Variants in MGAT4C observed in about 807,000 individuals in gnomAD.
The protein encoded by MGAT4C is MGAT4 family member C, also known as alpha-1,3-mannosyl-glycoprotein 4-beta-N-acetylglucosaminyltransferase C.
A neutral mutation model predicts 40.1 loss-of-function variants in MGAT4C; 19 were observed. The ratio of observed to expected loss-of-function variants is 0.47; its 90% CI spans 0.33 to 0.70. The LOEUF (loss-of-function observed/expected upper bound fraction) is 0.70. Ranked by LOEUF, MGAT4C falls within the 30% of genes least tolerant of loss-of-function variation. MGAT4C has a pLI of 0.02. For missense variants in MGAT4C, 491 were observed against 563.2 expected, an observed-to-expected ratio of 0.87 and a Z score of 1.30; for synonymous variants, 181 against 187.1, an observed-to-expected ratio of 0.97 and a Z score of 0.27.
intron 1 of MGAT4C, among the ~76,000 whole-genome samples, chr12:86,753,440 A>G (rs1393089779): frequency 6.6e-6 from 1 of 152,136 alleles, no homozygotes; most frequent in African/African-American, 2.4e-5. Flanking sequence ...GTTAATAAAT[A>G]TGTGGGTAAA....
intron 1 of MGAT4C, among the ~76,000 whole-genome samples, chr12:86,206,086 A>T (rs1950240772): frequency 6.6e-6 from 1 of 152,016 alleles, no homozygotes; most frequent in South Asian, 2.1e-4. Context: ...TGAATGTTTG[A>T]CCCCTGTGAA....
chr12:86,090,833 G>A (rs1872750346), intron 1 of MGAT4C, among the ~76,000 whole-genome samples: 1 of 151,790 alleles, frequency 6.6e-6, no homozygotes, highest in Non-Finnish European at 1.5e-5. Context: ...AAGGAATAAT[G>A]AGCACATGCT....
At position 86,644,017 on chromosome 12, in the gene MGAT4C, AT is replaced by A. The variant is rs1423859123; in HGVS notation, c.-229+83191del. On this transcript the variant is annotated intron_variant, in intron 2 of 7. Coordinates refer to the MGAT4C transcript ENST00000548651. The stretch of plus-strand genomic sequence containing the variant: ...CTGTAAAAAATAATTCAGGTTCTAC[AT>A]TTTTATAGTTTTATTTATGAATTTT... Among the ~76,000 whole-genome samples the A allele has an allele frequency of 2.0e-5, 3 of 151,828 alleles. No individual in the cohort carries two copies. The East Asian group carries it at 5.8e-4, about 30-fold the overall frequency.
intron 1 of MGAT4C, among the ~76,000 whole-genome samples, chr12:86,138,730 A>G (rs1023290168): frequency 2.0e-5 from 3 of 150,792 alleles, no homozygotes; most frequent in Admixed American, 6.7e-5. Flanking sequence ...AATCATCTCT[A>G]TATTAGGTAC....
chr12:86,241,908 G>A (rs1020306781), intron 1 of MGAT4C, among the ~76,000 whole-genome samples: 9 of 152,074 alleles, frequency 5.9e-5, no homozygotes, highest in Non-Finnish European at 1.2e-4. Context: ...CCTTGCCTGA[G>A]CCTGCTTTGC....
intron 1 of MGAT4C, among the ~76,000 whole-genome samples, chr12:86,124,451 T>A (rs908369269): frequency 3.3e-5 from 5 of 152,138 alleles, no homozygotes; most frequent in Non-Finnish European, 5.9e-5. Context: ...TTAAGGAACC[T>A]TTGATAAAAG....
chr12:86,505,227 G>T (rs1338436257), intron 2 of MGAT4C, among the ~76,000 whole-genome samples: 2 of 152,038 alleles, frequency 1.3e-5, no homozygotes, highest in East Asian at 3.9e-4. Flanking sequence ...ATCCTGGCTA[G>T]ATATTTGCTT....
chr12:86,060,513 ATAAT>A (rs761386349), intron 1 of MGAT4C, among the ~76,000 whole-genome samples: 2 of 152,170 alleles, frequency 1.3e-5, no homozygotes, highest in African/African-American at 2.4e-5. Flanking sequence ...TAAAGTAGAA[ATAAT>A]TAATTCATAC....
At chr12:86,466,227 A>C (rs1957681245) in intron 2 of MGAT4C, among the ~76,000 whole-genome samples, 1 of 152,016 alleles carries the variant, frequency 6.6e-6, no homozygotes, top group Non-Finnish European at 1.5e-5. Context: ...ACAAAAACAA[A>C]AACCCAAATG....
chr12:86,025,854 A>ATGC (rs1243956172), intron 2 of MGAT4C, among the ~76,000 whole-genome samples: 3 of 151,758 alleles, frequency 2.0e-5, no homozygotes, highest in African/African-American at 7.2e-5. Context: ...GTAAGACATT[A>ATGC]TGCTATGTTG....
Position 86,514,048 on chromosome 12 carries a change from T to A in MGAT4C, c.-228-78783A>T, listed in dbSNP as rs143997576. Among the ~76,000 whole-genome samples, 446 of 149,064 alleles carry A rather than the reference T, an allele frequency of 3.0e-3. 2 individuals carry two copies. The highest frequency in any genetic ancestry group is 0.011 in the African/African-American group (426 of 40,080). ...AGCAGAGTTGTCAGCTGCCTAAGTG[T>A]TGAATGAAGCCATGCACCAACACAC... is the stretch of plus-strand genomic sequence containing the variant. On this transcript the variant is annotated intron_variant, in intron 2 of 7. Coordinates refer to the MGAT4C transcript ENST00000548651.
At chr12:86,494,634 G>T (rs560701625) in intron 2 of MGAT4C, among the ~76,000 whole-genome samples, 1 of 149,782 alleles carries the variant, frequency 6.7e-6, no homozygotes, top group East Asian at 1.9e-4. Context: ...AAAAAAAAAC[G>T]TGCTTTAAAA....
At chr12:86,815,234 CAT>C (rs1443737488) in intron 1 of MGAT4C, among the ~76,000 whole-genome samples, 5 of 151,900 alleles carry the variant, frequency 3.3e-5, no homozygotes, top group South Asian at 2.1e-4. Context: ...TGCCAACAAA[CAT>C]ATGAAAAAAT....
chr12:86,126,417 A>C (rs1044002995), intron 1 of MGAT4C, among the ~76,000 whole-genome samples: 1 of 152,154 alleles, frequency 6.6e-6, no homozygotes, highest in Non-Finnish European at 1.5e-5. Flanking sequence ...AGACTATCTT[A>C]ATTACACAAT....
intron 1 of MGAT4C, among the ~76,000 whole-genome samples, chr12:86,775,012 T>C (rs1303168212): frequency 6.6e-6 from 1 of 152,198 alleles, no homozygotes; most frequent in Non-Finnish European, 1.5e-5. Flanking sequence ...TTTGTAAACA[T>C]ACCAAAGCTT....
chr12:86,692,770 A>T (rs1442500617), intron 2 of MGAT4C, among the ~76,000 whole-genome samples: 3 of 152,184 alleles, frequency 2.0e-5, no homozygotes, highest in Non-Finnish European at 4.4e-5. Flanking sequence ...ATGAAAAGGT[A>T]GCCCTACTTG....
At chr12:86,547,952 C>T (rs1365510052) in intron 2 of MGAT4C, among the ~76,000 whole-genome samples, 1 of 152,108 alleles carries the variant, frequency 6.6e-6, no homozygotes, top group Admixed American at 6.5e-5. Flanking sequence ...GATCTCAGTT[C>T]AAATGTCAAC....
chr12:86,611,423 G>GGT (rs56199961), intron 2 of MGAT4C, among the ~76,000 whole-genome samples: 30 of 150,610 alleles, frequency 2.0e-4, no homozygotes, highest in Non-Finnish European at 3.7e-4. Context: ...TAGGTAGGTA[G>GGT]ATAGATAGAT....
At chr12:86,579,939 A>G (rs1960713089) in intron 2 of MGAT4C, among the ~76,000 whole-genome samples, 1 of 151,202 alleles carries the variant, frequency 6.6e-6, no homozygotes, top group Non-Finnish European at 1.5e-5. Flanking sequence ...ATTATCTGTT[A>G]TTTGTTTTCT....
Sources: allele counts gnomAD v4.1 joint callset (sites outside exome capture counted in the v4.1 genomes callset), GRCh38; gene constraint gnomAD v4.1.1; transcripts MANE v1.5; gene names NCBI Gene and HGNC (gene_info 2026-07-23, HGNC 2026-07-21).